PLGRKT: variants seen among roughly 807,000 people sequenced by gnomAD.
PLGRKT encodes the protein plasminogen receptor (KT).
Under a neutral mutation model 18.5 loss-of-function variants are expected in PLGRKT, and 22 were observed. The ratio of observed to expected loss-of-function variants is 1.19; its 90% CI spans 0.85 to 1.70. The LOEUF (loss-of-function observed/expected upper bound fraction) is 1.70, where lower values mean the gene tolerates loss of function less well. PLGRKT is among the 40% of genes most tolerant of loss of function. The probability of loss-of-function intolerance (pLI) is 0.00; values close to 1 mark genes in which losing one functional copy is unlikely to be tolerated. For synonymous variants in PLGRKT, 72 were observed against 52.8 expected (o/e 1.36, Z -1.58); for missense variants, 235 against 174.4 (o/e 1.35, Z -1.96).
chr9:5,372,846 A>C (rs943557007), intron 3 of PLGRKT, among the ~76,000 whole-genome samples: 3 of 152,288 alleles, frequency 2.0e-5, no homozygotes, highest in Admixed American at 2.0e-4. Context: ...TTGGAATGGA[A>C]TCCAACTAGT....
In PLGRKT at chr9:5,409,971, G is replaced by A. The variant is rs772999958; in HGVS notation, c.81+21926C>T. Among the ~76,000 whole-genome samples, 6 of 152,234 alleles carry A rather than the reference G, an allele frequency of 3.9e-5. No homozygotes were observed. The South Asian group carries it at 6.2e-4, about 16-fold the overall frequency. ...CTAAGAACAAGCATAGGAGAAGTGGGACCTGGAGAAATTTTTACCTTTAAA... is the reference window on the plus strand; with the variant it reads ...CTAAGAACAAGCATAGGAGAAGTGGAACCTGGAGAAATTTTTACCTTTAAA... On this transcript the variant is annotated intron_variant, in intron 3 of 5. Coordinates refer to ENST00000223864, the MANE Select transcript of PLGRKT (RefSeq NM_018465.4).
At position 5,358,299 on chromosome 9, in the gene PLGRKT, G is replaced by A. The variant is rs560698876; in HGVS notation, c.384C>T (p.Ile128=). 3,391 of 1,607,354 alleles carry A rather than the reference G, an allele frequency of 2.1e-3. 74 individuals carry two copies. The South Asian group carries it at 0.036, about 17-fold the overall frequency. The part of the protein sequence containing the change: ...KSKLQLPRGM[I]TFESIEKARK... ...TGGCTTTTTCAATGCTTTCAAAAGTGATCATTCCTCTTGGCAGCTGCAATT... is the reference window on the plus strand; with the variant it reads ...TGGCTTTTTCAATGCTTTCAAAAGTAATCATTCCTCTTGGCAGCTGCAATT... The change falls in exon 6 of 6, where the codon ATC becomes ATT. Residue 128 remains isoleucine (I), a synonymous_variant. Transcript: ENST00000223864.
chr9:5,383,867 A>T (rs1451935130), intron 3 of PLGRKT, among the ~76,000 whole-genome samples: 1 of 152,138 alleles, frequency 6.6e-6, no homozygotes, highest in Admixed American at 6.5e-5. Context: ...GGGGTTGGGG[A>T]TCCTAGAGTT....
chr9:5,367,030 TACAC>T (rs56259718), intron 3 of PLGRKT, among the ~76,000 whole-genome samples: 2,150 of 112,260 alleles, frequency 0.019, 39 homozygotes, highest in African/African-American at 0.054. Flanking sequence ...TACACACACA[TACAC>T]ACACACACAC....
intron 3 of PLGRKT, among the ~76,000 whole-genome samples, chr9:5,424,744 CAG>C (rs1226724364): frequency 2.4e-4 from 32 of 133,392 alleles, no homozygotes; most frequent in African/African-American, 8.2e-4. Context: ...GAGAAAGAGA[CAG>C]AGTTTTGTCA....
Position 5,434,081 on chromosome 9 carries a change from G to A in PLGRKT, c.-6-2098C>T, listed in dbSNP as rs1320564896. Among the ~76,000 whole-genome samples the A allele has an allele frequency of 2.0e-5, 3 of 149,358 alleles. No individual in the cohort carries two copies. The South Asian group carries it at 6.3e-4, about 31-fold the overall frequency. ...TGCCCGGCCGCCCCATCTGGGAAGT[G>A]AGGAGTGCCTCTGCCCGGCTGCCAC... On this transcript the variant is annotated intron_variant, in intron 2 of 5. Transcript: ENST00000223864.
At chr9:5,431,828 G>T in intron 3 of PLGRKT, 69 bp downstream of exon 3, 2 of 749,524 alleles carry the variant, frequency 2.7e-6, no homozygotes, top group Non-Finnish European at 4.8e-6. Context: ...AGAATGTACG[G>T]CTGGAGTACA....
At chr9:5,376,642 C>T (rs1817633224) in intron 3 of PLGRKT, among the ~76,000 whole-genome samples, 3 of 152,000 alleles carry the variant, frequency 2.0e-5, no homozygotes, top group African/African-American at 7.3e-5. Flanking sequence ...TCCTTATCAA[C>T]ATCATCATCA....
intron 3 of PLGRKT, among the ~76,000 whole-genome samples, chr9:5,422,043 C>T (rs1196863751): frequency 6.6e-6 from 1 of 152,136 alleles, no homozygotes; most frequent in Non-Finnish European, 1.5e-5. Context: ...GTTTCCTGTA[C>T]AAACTATATT....
In PLGRKT at chr9:5,361,258, A is replaced by G. The variant is rs561091168; in HGVS notation, c.213-71T>C. On this transcript the variant is annotated intron_variant, in intron 4 of 5. Coordinates refer to ENST00000223864, the MANE Select transcript of PLGRKT (RefSeq NM_018465.4). ...TAAATACATATCTGTATACTTAAAG[A>G]AAAAAAAATACCTGCTTTTTGGAAG... 96 of 754,630 alleles carry G rather than the reference A, an allele frequency of 1.3e-4. No homozygotes were observed. The South Asian group carries it at 1.6e-3, about 13-fold the overall frequency. The allele number at this position is 754,630 out of a possible 1,614,324, so 46.7% of individuals were successfully genotyped here. A position where few individuals can be genotyped will look rare whatever the true frequency, so the allele number is the denominator to read the frequency against.
At chr9:5,426,634 G>A (rs1218953339) in intron 3 of PLGRKT, among the ~76,000 whole-genome samples, 1 of 152,180 alleles carries the variant, frequency 6.6e-6, no homozygotes, top group East Asian at 1.9e-4. Flanking sequence ...AGCAACATAT[G>A]TTAGGAGAAT....
chr9:5,384,163 G>A (rs1817798525), intron 3 of PLGRKT, among the ~76,000 whole-genome samples: 1 of 152,186 alleles, frequency 6.6e-6, no homozygotes, highest in Non-Finnish European at 1.5e-5. Context: ...TAAAGTGATG[G>A]AAGTAAAAGC....
At chr9:5,384,430 G>C (rs984589824) in intron 3 of PLGRKT, among the ~76,000 whole-genome samples, 5 of 152,126 alleles carry the variant, frequency 3.3e-5, no homozygotes, top group Non-Finnish European at 5.9e-5. Context: ...AGTCAGTAGT[G>C]CATGCTATAT....
At chr9:5,419,521 C>T (rs1050429481) in intron 3 of PLGRKT, among the ~76,000 whole-genome samples, 1 of 152,182 alleles carries the variant, frequency 6.6e-6, no homozygotes, top group South Asian at 2.1e-4. Flanking sequence ...TGGCCAGCGG[C>T]CGCCGCGAGC....
chr9:5,383,223 C>T (rs1377865748), intron 3 of PLGRKT, among the ~76,000 whole-genome samples: 1 of 152,186 alleles, frequency 6.6e-6, no homozygotes, highest in African/African-American at 2.4e-5. Context: ...AGGATTCTCC[C>T]CTAGAGCCTT....
intron 3 of PLGRKT, among the ~76,000 whole-genome samples, chr9:5,390,466 G>A (rs1040950300): frequency 2.6e-5 from 4 of 151,830 alleles, no homozygotes; most frequent in African/African-American, 7.3e-5. Context: ...GACCCTTCCC[G>A]CCTTGGCTGT....
chr9:5,372,204 C>T (rs1016398811), intron 3 of PLGRKT, among the ~76,000 whole-genome samples: 1 of 151,948 alleles, frequency 6.6e-6, no homozygotes, highest in South Asian at 2.1e-4. Context: ...TAGTCTCGAT[C>T]TCTTGACCTC....
At chr9:5,372,141 C>G (rs564633429) in intron 3 of PLGRKT, among the ~76,000 whole-genome samples, 8 of 151,864 alleles carry the variant, frequency 5.3e-5, no homozygotes, top group Admixed American at 5.3e-4. Flanking sequence ...ACCACCACGC[C>G]CAGCTAATTT....
chr9:5,429,978 C>T (rs1818789168), intron 3 of PLGRKT, among the ~76,000 whole-genome samples: 1 of 152,166 alleles, frequency 6.6e-6, no homozygotes, highest in Non-Finnish European at 1.5e-5. Flanking sequence ...ACAACCCACC[C>T]CTTGCTCATG....
Sources: gnomAD v4.1 joint callset for allele counts (sites outside exome capture counted in the v4.1 genomes callset) on GRCh38, gnomAD v4.1.1 for gene constraint, MANE v1.5 for transcripts, NCBI Gene and HGNC (gene_info 2026-07-23, HGNC 2026-07-21) for gene names.